The following HOMER2 variants were observed in gnomAD, a reference collection of about 807,000 sequenced individuals.
HOMER2 encodes the protein homer protein homolog 2.
In HOMER2, 27 loss-of-function variants were observed where a neutral mutation model predicts 47.0. The observed-to-expected ratio is 0.57, with a 90% CI of 0.42 to 0.79. The LOEUF (loss-of-function observed/expected upper bound fraction) is 0.79. Among genes scored for constraint, HOMER2 ranks in the 30% least tolerant of loss-of-function variants. The pLI, the probability that HOMER2 is intolerant of heterozygous loss-of-function variation, is 0.00. For synonymous variants in HOMER2, 161 were observed against 163.8 expected (o/e 0.98, Z 0.13); for missense variants, 443 against 435.0 (o/e 1.02, Z -0.16).
chr15:82,855,344 A>AAAAAAG (rs1555419071), intron 5 of HOMER2, among the ~76,000 whole-genome samples: 2 of 150,848 alleles, frequency 1.3e-5, no homozygotes, highest in African/African-American at 2.4e-5. Flanking sequence ...AAAAAAAAAA[A>AAAAAAG]AAAAAGAAAA....
rs984161850 is a variant in HOMER2, at chr15:82,875,499, AG to A, written c.163-96del. 3.0e-6 allele frequency: 4 copies of A among 1,323,372 alleles called. No homozygotes were observed. The African/African-American group carries it at 5.8e-5, about 19-fold the overall frequency. 82.0% of individuals were successfully genotyped at this position (1,323,372 alleles called of 1,614,324 possible). On this transcript the variant is annotated intron_variant, in intron 2 of 8. Coordinates refer to ENST00000450735, the MANE Select transcript of HOMER2 (RefSeq NM_004839.4). ...TTCTATTGGCAAAGCCAGTGCTTCA[AG>A]CCTGTATCCTCTGCCCTGTTAAATT...
rs748948266 is a variant in HOMER2 at position 82,974,404 on chromosome 15, C to CA, written n.82+11382dup. On this transcript the variant is annotated intron_variant and non_coding_transcript_variant, in intron 1 of 1. Coordinates refer to the HOMER2 transcript ENST00000500334. ...GGGCAACAAGAGCAAAACTCTATCTCAAAAAAAAAAAAAAATACTAAAGGT... is the reference window on the plus strand; with the variant it reads ...GGGCAACAAGAGCAAAACTCTATCTCAAAAAAAAAAAAAAAATACTAAAGGT... Among the ~76,000 whole-genome samples the CA allele has an allele frequency of 3.6e-3, 471 of 130,004 alleles. 1 individual carries two copies. The highest frequency in any genetic ancestry group is 0.013 in the Middle Eastern group (3 of 240). The allele number at this position is 130,004 out of a possible 152,430, so 85.3% of individuals were successfully genotyped here.
chr15:82,948,397 A>G (rs1596378970), intron 1 of HOMER2, among the ~76,000 whole-genome samples: 3 of 151,200 alleles, frequency 2.0e-5, no homozygotes, highest in African/African-American at 7.3e-5. Context: ...TCTCAAAAAA[A>G]AAAAAAAAAA....
In HOMER2 at chr15:82,868,541, A is replaced by ATATATATAT; in HGVS notation, c.295-4283_295-4282insATATATATA. Among the ~76,000 whole-genome samples the ATATATATAT allele has an allele frequency of 1.4e-3, 99 of 71,258 alleles. 3 individuals are homozygous for ATATATATAT. The highest frequency in any genetic ancestry group is 2.2e-3 in the Non-Finnish European group (79 of 35,390). 46.7% of individuals were successfully genotyped at this position (71,258 alleles called of 152,430 possible). On this transcript the variant is annotated intron_variant, in intron 3 of 8. Coordinates refer to ENST00000450735, the MANE Select transcript of HOMER2 (RefSeq NM_004839.4). ...ATTTATTTTATATATATATATATAT[A>ATATATATAT]TTTTTTTTTTTTTTTTTCCCCTTTT...
At chr15:82,919,890 A>C (rs2053683758) in intron 1 of HOMER2, among the ~76,000 whole-genome samples, 1 of 152,218 alleles carries the variant, frequency 6.6e-6, no homozygotes, top group Admixed American at 6.5e-5. Flanking sequence ...TCATATTTGA[A>C]ACATGACATG....
At chr15:82,880,886 G>A (rs1383859700) in intron 2 of HOMER2, among the ~76,000 whole-genome samples, 1 of 152,204 alleles carries the variant, frequency 6.6e-6, no homozygotes, top group Non-Finnish European at 1.5e-5. Context: ...CGTGCCACAG[G>A]TGGCCAGCAA....
intron 1 of HOMER2, among the ~76,000 whole-genome samples, chr15:82,952,315 C>T (rs1186558745): frequency 6.6e-6 from 1 of 152,170 alleles, no homozygotes; most frequent in Non-Finnish European, 1.5e-5. Flanking sequence ...ACGGGCTCCG[C>T]GCCCAGGCCA....
intron 1 of HOMER2, among the ~76,000 whole-genome samples, chr15:82,967,694 T>C (rs1004728725): frequency 2.0e-5 from 3 of 152,092 alleles, no homozygotes; most frequent in African/African-American, 7.2e-5. Context: ...GCCAATATGG[T>C]GAAACCCCAC....
At chr15:82,873,993 A>G (rs555860371) in intron 3 of HOMER2, among the ~76,000 whole-genome samples, 1 of 152,336 alleles carries the variant, frequency 6.6e-6, no homozygotes, top group African/African-American at 2.4e-5. Flanking sequence ...TTCCTGACTC[A>G]CCCTAATTTC....
intron 1 of HOMER2, among the ~76,000 whole-genome samples, chr15:82,963,559 A>G (rs2054649290): frequency 6.6e-6 from 1 of 152,240 alleles, no homozygotes; most frequent in South Asian, 2.1e-4. Context: ...GCCTCATCGT[A>G]TGAATCACAC....
chr15:82,981,782 A>T (rs2030403361), intron 1 of HOMER2, among the ~76,000 whole-genome samples: 2 of 152,228 alleles, frequency 1.3e-5, no homozygotes, highest in African/African-American at 4.8e-5. Context: ...TTTCACTTGC[A>T]TGAGGTACCT....
At chr15:82,951,803 C>G (rs933026424) in intron 1 of HOMER2, among the ~76,000 whole-genome samples, 4 of 152,244 alleles carry the variant, frequency 2.6e-5, no homozygotes, top group African/African-American at 9.6e-5. Flanking sequence ...AAACCGTCAA[C>G]GTGTGCCCAA....
At chr15:82,975,266 G>C (rs2030163073) in intron 1 of HOMER2, among the ~76,000 whole-genome samples, 1 of 152,104 alleles carries the variant, frequency 6.6e-6, no homozygotes, top group Non-Finnish European at 1.5e-5. Context: ...TTGGTGGGAA[G>C]GTAAATTAGT....
chr15:82,864,393 A>C (rs1402244647), intron 3 of HOMER2, 134 bp from the exon 4 acceptor site: 24 of 583,752 alleles, frequency 4.1e-5, no homozygotes, highest in East Asian at 3.5e-4. Flanking sequence ...TTTATTTGCT[A>C]TTAAATGAAT....
chr15:82,896,226 C>T (rs893504159), intron 1 of HOMER2, among the ~76,000 whole-genome samples: 5 of 152,032 alleles, frequency 3.3e-5, no homozygotes, highest in Admixed American at 6.6e-5. Context: ...AGTAGCCTTC[C>T]GCAAGCACTC....
chr15:82,903,033 T>C (rs1029634804), intron 1 of HOMER2, among the ~76,000 whole-genome samples: 2 of 152,172 alleles, frequency 1.3e-5, no homozygotes, highest in Non-Finnish European at 1.5e-5. Flanking sequence ...AATTGTTCCA[T>C]AGTAAAATAA....
chr15:82,851,440 C>T (rs1438679422), intron 7 of HOMER2, among the ~76,000 whole-genome samples: 1 of 152,220 alleles, frequency 6.6e-6, no homozygotes, highest in Non-Finnish European at 1.5e-5. Context: ...TCTGTACACA[C>T]CACCACAAGG....
At chr15:82,898,846 A>C (rs998304123) in intron 1 of HOMER2, among the ~76,000 whole-genome samples, 1 of 152,244 alleles carries the variant, frequency 6.6e-6, no homozygotes, top group African/African-American at 2.4e-5. Context: ...TTCTGACATA[A>C]ACCTACAAAA....
At chr15:82,858,209 T>C (rs2051649431) in intron 5 of HOMER2, among the ~76,000 whole-genome samples, 1 of 152,250 alleles carries the variant, frequency 6.6e-6, no homozygotes, top group South Asian at 2.1e-4. Flanking sequence ...CTTTTTTGTA[T>C]ATAGGTGACT....
Sources: gnomAD v4.1 joint callset for allele counts (sites outside exome capture counted in the v4.1 genomes callset) on GRCh38, gnomAD v4.1.1 for gene constraint, MANE v1.5 for transcripts, NCBI Gene and HGNC (gene_info 2026-07-23, HGNC 2026-07-21) for gene names.